Variants in TMED3 observed in about 807,000 individuals in gnomAD.
TMED3 encodes the protein transmembrane p24 trafficking protein 3, also known as transmembrane emp24 domain-containing protein 3.
In TMED3, 9 loss-of-function variants were observed where a neutral mutation model predicts 15.0. The ratio of observed to expected loss-of-function variants is 0.60; its 90% CI spans 0.36 to 1.04. The LOEUF (loss-of-function observed/expected upper bound fraction) is 1.04, where lower values mean the gene tolerates loss of function less well. Among genes scored for constraint, TMED3 ranks in the 50% least tolerant of loss-of-function variants. The pLI, the probability that TMED3 is intolerant of heterozygous loss-of-function variation, is 0.01. For synonymous variants in TMED3, 117 were observed against 121.4 expected (o/e 0.96, Z 0.24); for missense variants, 267 against 278.9 (o/e 0.96, Z 0.30).
In TMED3 at chr15:79,334,724, A is replaced by G. The variant is rs767638306; in HGVS notation, c.417+20719A>G. Among the ~76,000 whole-genome samples, 8 of 152,200 alleles carry G rather than the reference A, an allele frequency of 5.3e-5. No individual in the cohort carries two copies. In the East Asian group the frequency reaches 1.2e-3, roughly 22 times the overall value. Reference sequence around the variant, plus strand: ...CAAATAGAAGGCACGCAGGAAATGTATTTCGGAAGAATTACTCCAGGAAGT... The same window carrying G: ...CAAATAGAAGGCACGCAGGAAATGTGTTTCGGAAGAATTACTCCAGGAAGT... On this transcript the variant is annotated intron_variant, in intron 2 of 2. Coordinates refer to the TMED3 transcript ENST00000424155.
chr15:79,412,709 G>A (rs566472005), exon 3 of TMED3: 3 of 152,584 alleles, frequency 2.0e-5, no homozygotes, highest in African/African-American at 7.2e-5. Context: ...TAGCCAATGA[G>A]CATGCACCCT....
At chr15:79,342,603 T>A (rs755960248) in intron 2 of TMED3, among the ~76,000 whole-genome samples, 4 of 152,186 alleles carry the variant, frequency 2.6e-5, no homozygotes, top group Non-Finnish European at 4.4e-5. Flanking sequence ...AATCTAAAAT[T>A]GTTGCATGGT....
rs8035335 is a variant in TMED3 at position 79,409,362 on chromosome 15, C to T, written c.418-2038C>T. Among the ~76,000 whole-genome samples the T allele has an allele frequency of 6.3e-3, 961 of 152,298 alleles. 10 individuals are homozygous for T. Among genetic ancestry groups the T allele is most frequent in the African/African-American group, 0.021 (878 of 41,552 alleles). On this transcript the variant is annotated intron_variant, in intron 2 of 2. Transcript: ENST00000424155. ...ATAAAACCATTATAGGAAATCAATG[C>T]GCTCCTGCATTTTCCAGTATAACAC...
chr15:79,406,741 C>T (rs560660042), intron 2 of TMED3, among the ~76,000 whole-genome samples: 75 of 152,306 alleles, frequency 4.9e-4, no homozygotes, highest in African/African-American at 1.7e-3. Flanking sequence ...TCAGATTACA[C>T]CCTAGCCAGC....
chr15:79,402,724 T>G (rs1464677045), intron 2 of TMED3, among the ~76,000 whole-genome samples: 1 of 151,446 alleles, frequency 6.6e-6, no homozygotes, highest in Non-Finnish European at 1.5e-5. Context: ...AGGTGGAAGT[T>G]GCAGTGAGCC....
rs568914116 is a variant in TMED3 at position 79,317,137 on chromosome 15, C to G, written c.417+3132C>G. ...GTATCACCTGTTGCTCCGTTACCCT[C>G]TTGGAACTGGTCCCTTTGCTATCAC... On this transcript the variant is annotated intron_variant, in intron 2 of 2. Coordinates refer to ENST00000299705, the MANE Select transcript of TMED3 (RefSeq NM_007364.4). Among the ~76,000 whole-genome samples, 19 of 152,302 alleles carry G rather than the reference C, an allele frequency of 1.2e-4. No individual in the cohort carries two copies. The South Asian group carries it at 3.7e-3, about 30-fold the overall frequency.
intron 2 of TMED3, among the ~76,000 whole-genome samples, chr15:79,365,047 C>T (rs1378359267): frequency 1.3e-5 from 2 of 152,266 alleles, no homozygotes; most frequent in East Asian, 1.9e-4. Context: ...TCTCCTGCAT[C>T]TGTCCCTCTG....
At chr15:79,334,141 C>A (rs1567025984) in intron 2 of TMED3, among the ~76,000 whole-genome samples, 1 of 152,020 alleles carries the variant, frequency 6.6e-6, no homozygotes, top group Non-Finnish European at 1.5e-5. Context: ...CCCTGTCTTC[C>A]CCCGACATCC....
At chr15:79,401,857 C>T (rs562353330) in intron 2 of TMED3, among the ~76,000 whole-genome samples, 67 of 152,172 alleles carry the variant, frequency 4.4e-4, no homozygotes, top group African/African-American at 1.5e-3. Context: ...ATGTGGTTAG[C>T]GATTGAAATC....
intron 2 of TMED3, among the ~76,000 whole-genome samples, chr15:79,332,934 T>C (rs2058814715): frequency 6.6e-6 from 1 of 152,226 alleles, no homozygotes; most frequent in Non-Finnish European, 1.5e-5. Context: ...AGGTGAAGCC[T>C]GTGGCCACTT....
intron 2 of TMED3, 137 bp from the exon 3 acceptor site, chr15:79,321,841 C>A (rs972947915): frequency 1.8e-6 from 2 of 1,115,484 alleles, no homozygotes; most frequent in African/African-American, 1.6e-5. Context: ...AATAAAACCA[C>A]GTAAAACCCT....
chr15:79,350,194 A>T (rs1213953618), intron 2 of TMED3, among the ~76,000 whole-genome samples: 2 of 152,288 alleles, frequency 1.3e-5, no homozygotes, highest in East Asian at 3.9e-4. Flanking sequence ...AGATAAATGG[A>T]TGAATAGCTG....
Position 79,322,394 on chromosome 15 carries a change from C to T in TMED3, c.*180C>T. On this transcript the variant is annotated 3_prime_UTR_variant, in exon 3 of 3. Coordinates refer to ENST00000299705, the MANE Select transcript of TMED3 (RefSeq NM_007364.4). ...CCTCAGCAGCTGAAGGTCTCAGAGA[C>T]CAGTAATCAGAAGGCATCCGACTGC... is the stretch of plus-strand genomic sequence containing the variant. 3.5e-6 allele frequency: 5 copies of T among 1,433,454 alleles called. No homozygotes were observed. The highest frequency in any genetic ancestry group is 2.9e-5 in the Admixed American group (1 of 34,694). 88.8% of individuals were successfully genotyped at this position (1,433,454 alleles called of 1,614,324 possible). A position where few individuals can be genotyped will look rare whatever the true frequency, so the allele number is the denominator to read the frequency against.
At chr15:79,353,152 AAT>A (rs2058900449) in intron 2 of TMED3, among the ~76,000 whole-genome samples, 1 of 70,048 alleles carries the variant, frequency 1.4e-5, no homozygotes, top group Non-Finnish European at 2.4e-5. Context: ...AAATATATAA[AAT>A]ATATATAAAT....
At chr15:79,328,931 T>A (rs2058797256) in intron 2 of TMED3, among the ~76,000 whole-genome samples, 1 of 152,164 alleles carries the variant, frequency 6.6e-6, no homozygotes, top group Non-Finnish European at 1.5e-5. Context: ...TTGCCATGAA[T>A]TCAGTGGCAC....
At chr15:79,331,263 C>G (rs1306172918) in intron 2 of TMED3, among the ~76,000 whole-genome samples, 1 of 152,184 alleles carries the variant, frequency 6.6e-6, no homozygotes, top group Non-Finnish European at 1.5e-5. Flanking sequence ...CAAACCATAA[C>G]ACAGTGAACT....
chr15:79,326,967 G>A (rs1003212078), downstream of TMED3, among the ~76,000 whole-genome samples: 2 of 152,212 alleles, frequency 1.3e-5, no homozygotes, highest in African/African-American at 4.8e-5. Flanking sequence ...GCAAAGGGAA[G>A]CCAGTGTACA....
intron 2 of TMED3, among the ~76,000 whole-genome samples, chr15:79,317,296 T>A (rs1296493522): frequency 6.6e-6 from 1 of 152,210 alleles, no homozygotes; most frequent in African/African-American, 2.4e-5. Flanking sequence ...TCATCCTCTG[T>A]CTTGGTGTCT....
At chr15:79,333,043 C>G (rs1409719225) in intron 2 of TMED3, among the ~76,000 whole-genome samples, 2 of 152,210 alleles carry the variant, frequency 1.3e-5, no homozygotes, top group Non-Finnish European at 2.9e-5. Flanking sequence ...ATAAATCCTT[C>G]TCTTGCACTC....
Sources: allele counts gnomAD v4.1 joint callset (sites outside exome capture counted in the v4.1 genomes callset), GRCh38; gene constraint gnomAD v4.1.1; transcripts MANE v1.5; gene names NCBI Gene and HGNC (gene_info 2026-07-23, HGNC 2026-07-21).